The following SOX5 variants were observed in gnomAD, a reference collection of about 807,000 sequenced individuals.
SOX5 encodes the protein SRY-box transcription factor 5.
In SOX5, 9 loss-of-function variants were observed where a neutral mutation model predicts 92.0. The ratio of observed to expected loss-of-function variants is 0.10; its 90% CI spans 0.06 to 0.17. The LOEUF is 0.17. SOX5 is among the 10% of genes least tolerant of loss of function. The pLI, the probability that SOX5 is intolerant of heterozygous loss-of-function variation, is 1.00. For missense variants in SOX5, 642 were observed against 944.5 expected, an observed-to-expected ratio of 0.68 and a Z score of 4.20; for synonymous variants, 344 against 336.3, an observed-to-expected ratio of 1.02 and a Z score of -0.25.
chr12:24,188,596 T>TA (rs540210430), intron 4 of SOX5, among the ~76,000 whole-genome samples: 185 of 151,376 alleles, frequency 1.2e-3, no homozygotes, highest in African/African-American at 2.9e-3. Context: ...CAAGTAGAAA[T>TA]AAAAAAAACA....
At chr12:24,519,608 T>C (rs1950090755) in intron 1 of SOX5, among the ~76,000 whole-genome samples, 1 of 152,168 alleles carries the variant, frequency 6.6e-6, no homozygotes, top group Non-Finnish European at 1.5e-5. Context: ...TTAACAATCA[T>C]CAATTGTGGA....
At chr12:23,652,999 T>G (rs1018407825) in intron 7 of SOX5, among the ~76,000 whole-genome samples, 2 of 150,276 alleles carry the variant, frequency 1.3e-5, no homozygotes, top group Non-Finnish European at 3.0e-5. Context: ...GATGAATGAA[T>G]ATGGATGGAT....
At chr12:24,104,304 T>A (rs1946426235) in intron 4 of SOX5, among the ~76,000 whole-genome samples, 1 of 152,168 alleles carries the variant, frequency 6.6e-6, no homozygotes, top group African/African-American at 2.4e-5. Context: ...ATTTATTCAT[T>A]TTAAGTGGTA....
intron 7 of SOX5, among the ~76,000 whole-genome samples, chr12:23,652,535 G>C (rs12425291): frequency 0.015 from 1,922 of 125,268 alleles, 79 homozygotes; most frequent in Admixed American, 0.087. Context: ...TTTTTTTTGA[G>C]CAATTCTCCC....
chr12:24,370,087 A>T (rs1209364054), intron 1 of SOX5, among the ~76,000 whole-genome samples: 1 of 152,218 alleles, frequency 6.6e-6, no homozygotes. Context: ...TAACATTTAG[A>T]AATGAATGAA....
rs1170779993 is a variant in SOX5 at position 24,393,328 on chromosome 12, A to AAT, written c.-250-24691_-250-24690dup. Among the ~76,000 whole-genome samples the AAT allele has an allele frequency of 6.6e-6, 1 of 152,186 alleles. No homozygotes were observed. Among genetic ancestry groups the AAT allele is most frequent in the Non-Finnish European group, 1.5e-5 (1 of 68,030 alleles). On this transcript the variant is annotated intron_variant, in intron 1 of 4. Transcript: ENST00000446891. The surrounding 1 kb of genome is among the most constrained non-coding windows in gnomAD (Gnocchi z 5.0). ...CCTTCTGCAGCAACAGCTGCTGCAAAATCATGCTGCTGACTTTTTGGGTTG... is the reference window on the plus strand; with the variant it reads ...CCTTCTGCAGCAACAGCTGCTGCAAAATATCATGCTGCTGACTTTTTGGGTTG...
At chr12:24,358,542 G>A (rs1208205440) in intron 2 of SOX5, among the ~76,000 whole-genome samples, 1 of 151,822 alleles carries the variant, frequency 6.6e-6, no homozygotes, top group Non-Finnish European at 1.5e-5. Flanking sequence ...AACCCAAGAG[G>A]TGGAGCTTGC....
At chr12:23,845,665 A>C (rs2096567066) in intron 3 of SOX5, among the ~76,000 whole-genome samples, 1 of 152,142 alleles carries the variant, frequency 6.6e-6, no homozygotes, top group Non-Finnish European at 1.5e-5. Flanking sequence ...GGAGAGAAAC[A>C]AACTAGGCTG....
rs369259068 is a variant in SOX5, at chr12:23,604,519, G to T, written c.1032C>A (p.Ala344=). The T allele has an allele frequency of 6.2e-6, 10 of 1,613,394 alleles. No homozygotes were observed. Among genetic ancestry groups the T allele is most frequent in the East Asian group, 4.5e-5 (2 of 44,872 alleles). ...GAGATACCTGCATTGCAGCTAGCTG[G>T]GCAGCATATAACTGCTACAGAAGAA... The part of the protein sequence containing the change: ...GPLQLQQLYA[A]QLAAMQVSPG... The change falls in exon 9 of 15, where the codon GCC becomes GCA. Residue 344 remains alanine, a synonymous_variant. Coordinates refer to ENST00000451604, the MANE Select transcript of SOX5 (RefSeq NM_006940.6).
chr12:24,193,117 C>T (rs1565626747), intron 4 of SOX5, among the ~76,000 whole-genome samples: 1 of 152,016 alleles, frequency 6.6e-6, no homozygotes, highest in African/African-American at 2.4e-5. Context: ...TGTACACACA[C>T]GAAAAACTGT....
At chr12:24,442,467 A>C (rs866440401) in intron 1 of SOX5, among the ~76,000 whole-genome samples, 1 of 152,348 alleles carries the variant, frequency 6.6e-6, no homozygotes, top group African/African-American at 2.4e-5. Flanking sequence ...TACAAACCAA[A>C]GAGAAAAATA....
intron 8 of SOX5, among the ~76,000 whole-genome samples, chr12:23,608,108 G>GAAAAAAAAAAAA (rs1566278538): frequency 5.3e-4 from 3 of 5,674 alleles, no homozygotes; most frequent in African/African-American, 7.7e-4. Flanking sequence ...TGTCTCAAAA[G>GAAAAAAAAAAAA]AAAAAAGAAA....
intron 3 of SOX5, among the ~76,000 whole-genome samples, chr12:23,756,220 C>A (rs1187672290): frequency 6.7e-6 from 1 of 150,310 alleles, no homozygotes; most frequent in Non-Finnish European, 1.5e-5. Context: ...GTAAGATTTG[C>A]CAGTACTGCG....
At chr12:23,655,163 T>C (rs2082155671) in intron 7 of SOX5, among the ~76,000 whole-genome samples, 2 of 152,130 alleles carry the variant, frequency 1.3e-5, no homozygotes, top group Admixed American at 6.6e-5. Flanking sequence ...TCCTTGCCCG[T>C]AAATTGGAGA....
intron 6 of SOX5, among the ~76,000 whole-genome samples, chr12:23,701,389 T>A (rs2090609965): frequency 6.6e-6 from 1 of 152,018 alleles, no homozygotes; most frequent in Non-Finnish European, 1.5e-5. Context: ...TTTTCTTAAG[T>A]TGCAGCTAGA....
At chr12:23,739,533 T>C (rs943650750) in intron 5 of SOX5, among the ~76,000 whole-genome samples, 1 of 152,214 alleles carries the variant, frequency 6.6e-6, no homozygotes, top group African/African-American at 2.4e-5. Flanking sequence ...ATCTCCGTTT[T>C]GTTTCCTATG....
chr12:24,307,439 T>C (rs905532847), intron 2 of SOX5, among the ~76,000 whole-genome samples: 2 of 149,346 alleles, frequency 1.3e-5, no homozygotes, highest in African/African-American at 5.0e-5. Flanking sequence ...CATTTAGTAC[T>C]GTATAGCTGG....
At chr12:24,506,782 G>GTTTTTTTTTTTTTTTTTTTTTTT (rs1386116375) in intron 1 of SOX5, among the ~76,000 whole-genome samples, 3 of 80,274 alleles carry the variant, frequency 3.7e-5, no homozygotes, top group African/African-American at 1.0e-4. Context: ...TATCCAAATG[G>GTTTTTTTTTTTTTTTTTTTTTTT]TCTTTTTTTT....
intron 4 of SOX5, among the ~76,000 whole-genome samples, chr12:24,067,628 GTCC>G (rs1940974015): frequency 6.6e-6 from 1 of 151,966 alleles, no homozygotes; most frequent in African/African-American, 2.4e-5. Context: ...GCGATACATG[GTCC>G]TCCTTATTAT....
Sources: allele counts gnomAD v4.1 joint callset (sites outside exome capture counted in the v4.1 genomes callset), GRCh38; gene constraint gnomAD v4.1.1; non-coding constraint Gnocchi (gnomAD v3.1); transcripts MANE v1.5; gene names NCBI Gene and HGNC (gene_info 2026-07-23, HGNC 2026-07-21).